ESR1: variants seen among roughly 807,000 people sequenced by gnomAD.
ESR1 encodes the protein estrogen receptor 1, also known as estrogen receptor.
Under a neutral mutation model 52.7 loss-of-function variants are expected in ESR1, and 12 were observed. The ratio of observed to expected loss-of-function variants is 0.23; its 90% CI spans 0.15 to 0.37. ESR1 has a LOEUF of 0.37. ESR1 is among the 10% of genes least tolerant of loss of function. The pLI is 1.00. For missense variants in ESR1, 584 were observed against 779.7 expected, an observed-to-expected ratio of 0.75 and a Z score of 2.99; for synonymous variants, 305 against 316.8, an observed-to-expected ratio of 0.96 and a Z score of 0.39.
chr6:151,849,928 A>T (rs1340529934), intron 2 of ESR1, among the ~76,000 whole-genome samples: 1 of 142,292 alleles, frequency 7.0e-6, no homozygotes, highest in African/African-American at 2.6e-5. Flanking sequence ...CTTCAATCTC[A>T]GCTTCTTTTT....
intron 2 of ESR1, among the ~76,000 whole-genome samples, chr6:151,789,766 C>T (rs1400787589): frequency 6.6e-6 from 1 of 152,210 alleles, no homozygotes; most frequent in Non-Finnish European, 1.5e-5. Context: ...AACTCCTCCC[C>T]TTTCCCAGTT....
intron 2 of ESR1, among the ~76,000 whole-genome samples, chr6:151,783,335 G>T (rs1786725326): frequency 6.6e-6 from 1 of 152,164 alleles, no homozygotes; most frequent in African/African-American, 2.4e-5. Flanking sequence ...GCTGGAGAAG[G>T]GCACGCAATT....
At chr6:151,781,983 G>A (rs112981330) in intron 2 of ESR1, among the ~76,000 whole-genome samples, 3 of 152,202 alleles carry the variant, frequency 2.0e-5, no homozygotes, top group African/African-American at 7.2e-5. Context: ...AAATACTAAG[G>A]ACGAGATGCA....
At chr6:152,013,984 G>C (rs1319913306) in intron 5 of ESR1, among the ~76,000 whole-genome samples, 3 of 152,030 alleles carry the variant, frequency 2.0e-5, no homozygotes, top group African/African-American at 7.2e-5. Flanking sequence ...CCCGGTGGGA[G>C]GTAACTGAAA....
intron 5 of ESR1, among the ~76,000 whole-genome samples, chr6:152,020,728 G>A (rs1216681147): frequency 6.6e-6 from 1 of 152,208 alleles, no homozygotes; most frequent in East Asian, 1.9e-4. Context: ...TGGGATTACA[G>A]GTGTGAGCCA....
chr6:152,039,368 G>C (rs9479174), intron 5 of ESR1, among the ~76,000 whole-genome samples: 1 of 152,116 alleles, frequency 6.6e-6, no homozygotes, highest in Admixed American at 6.6e-5. Context: ...TCATTATGGA[G>C]TAGTAGACTG....
intron 6 of ESR1, among the ~76,000 whole-genome samples, chr6:152,089,883 AGATTT>A (rs2050042880): frequency 6.6e-6 from 1 of 152,180 alleles, no homozygotes; most frequent in Non-Finnish European, 1.5e-5. Flanking sequence ...CAGCCACTAT[AGATTT>A]TTATTTGTAG....
chr6:152,002,185 A>AGTGTGTGTGTGTGTGTGTGTGTGT (rs10578838), intron 4 of ESR1, among the ~76,000 whole-genome samples: 2 of 141,388 alleles, frequency 1.4e-5, no homozygotes, highest in Non-Finnish European at 3.1e-5. Flanking sequence ...TTTTAAATCA[A>AGTGTGTGTGTGTGTGTGTGTGTGT]GTGTGTGTGT....
In ESR1 at chr6:151,850,295, T is replaced by C. The variant is rs943893039; in HGVS notation, c.643+7508T>C. Among the ~76,000 whole-genome samples, 4 of 149,910 alleles carry C rather than the reference T, an allele frequency of 2.7e-5. 1 individual carries two copies. Among genetic ancestry groups the C allele is most frequent in the South Asian group, 2.1e-4 (1 of 4,786 alleles). ...TATACTTCCAGTATATACTTCAGTA[T>C]ATGGGCCCTTAATCTAATGTGACTG... On this transcript the variant is annotated intron_variant, in intron 2 of 7. Transcript: ENST00000206249.
chr6:152,041,827 G>T (rs2045825788), intron 5 of ESR1, among the ~76,000 whole-genome samples: 1 of 152,154 alleles, frequency 6.6e-6, no homozygotes, highest in African/African-American at 2.4e-5. Flanking sequence ...GCTTCTGCTG[G>T]GCCTTATGGA....
chr6:151,897,717 C>T (rs1321050076), intron 3 of ESR1, among the ~76,000 whole-genome samples: 2 of 152,178 alleles, frequency 1.3e-5, no homozygotes, highest in Non-Finnish European at 2.9e-5. Flanking sequence ...CTATTCTGTT[C>T]ATCATGCCAT....
At chr6:151,979,979 A>G (rs1387173266) in intron 4 of ESR1, among the ~76,000 whole-genome samples, 1 of 152,220 alleles carries the variant, frequency 6.6e-6, no homozygotes, top group African/African-American at 2.4e-5. Context: ...TCCAAATTGC[A>G]TAATGCTATT....
intron 3 of ESR1, among the ~76,000 whole-genome samples, chr6:151,906,225 G>C (rs1797432696): frequency 6.6e-6 from 1 of 152,112 alleles, no homozygotes; most frequent in Non-Finnish European, 1.5e-5. Context: ...ACAATCAACT[G>C]TATCTCCACC....
intron 1 of ESR1, among the ~76,000 whole-genome samples, chr6:151,671,446 T>C (rs1318437453): frequency 6.6e-6 from 1 of 152,120 alleles, no homozygotes; most frequent in Non-Finnish European, 1.5e-5. Flanking sequence ...AGACAAATTG[T>C]GCATGATCTC....
intron 4 of ESR1, among the ~76,000 whole-genome samples, chr6:151,965,863 T>C (rs1438860348): frequency 6.6e-6 from 1 of 152,104 alleles, no homozygotes; most frequent in African/African-American, 2.4e-5. Context: ...ATAAAATTTG[T>C]TTCATATTTT....
intron 3 of ESR1, among the ~76,000 whole-genome samples, chr6:151,886,624 G>T (rs548960338): frequency 6.6e-6 from 1 of 152,140 alleles, no homozygotes; most frequent in Non-Finnish European, 1.5e-5. Flanking sequence ...ATATTTTCCT[G>T]TTGCTTGGGT....
chr6:151,870,569 G>A (rs1398669306), intron 2 of ESR1, among the ~76,000 whole-genome samples: 2 of 152,186 alleles, frequency 1.3e-5, no homozygotes, highest in Non-Finnish European at 2.9e-5. Flanking sequence ...CCATCTGCTA[G>A]CCAAGAGAAC....
chr6:152,117,498 C>G (rs2051223959), intron 6 of ESR1, among the ~76,000 whole-genome samples: 1 of 152,198 alleles, frequency 6.6e-6, no homozygotes, highest in Non-Finnish European at 1.5e-5. Flanking sequence ...CAGTTATGTT[C>G]CCACTCTTGT....
intron 2 of ESR1, among the ~76,000 whole-genome samples, chr6:151,724,741 G>A (rs544996601): frequency 1.3e-5 from 2 of 152,300 alleles, no homozygotes; most frequent in Admixed American, 1.3e-4. Flanking sequence ...ATTTTTGTGA[G>A]GTGGGGGAAA....
Sources: gnomAD v4.1 joint callset for allele counts (sites outside exome capture counted in the v4.1 genomes callset) on GRCh38, gnomAD v4.1.1 for gene constraint, MANE v1.5 for transcripts, NCBI Gene and HGNC (gene_info 2026-07-23, HGNC 2026-07-21) for gene names.